The following PPP4R3A variants were observed in gnomAD, a reference collection of about 807,000 sequenced individuals.
The protein encoded by PPP4R3A is protein phosphatase 4 regulatory subunit 3A, also known as serine/threonine-protein phosphatase 4 regulatory subunit 3A.
PPP4R3A carries 15 observed loss-of-function variants against 91.7 expected under a neutral mutation model. That is an observed-to-expected ratio of 0.16 (90% CI 0.11 to 0.25). PPP4R3A has a LOEUF of 0.25. Among genes scored for constraint, PPP4R3A ranks in the 10% least tolerant of loss-of-function variants. The pLI is 1.00. For missense variants in PPP4R3A, 623 were observed against 998.4 expected (o/e 0.62, Z 5.07); for synonymous variants, 377 against 348.7 (o/e 1.08, Z -0.91).
chr14:91,491,572 T>G (rs139580799), intron 1 of PPP4R3A, among the ~76,000 whole-genome samples: 27 of 151,980 alleles, frequency 1.8e-4, no homozygotes, highest in Non-Finnish European at 3.2e-4. Flanking sequence ...CACGCCCAGA[T>G]AATTTTGTAT....
chr14:91,482,201 A>G lies in PPP4R3A; in HGVS notation c.298-8T>C. 1 of 1,570,244 alleles carries G rather than the reference A, an allele frequency of 6.4e-7. No homozygotes were observed. Among genetic ancestry groups the G allele is most frequent in the Non-Finnish European group, 8.6e-7 (1 of 1,163,400 alleles). On this transcript the variant is annotated splice_region_variant and splice_polypyrimidine_tract_variant and intron_variant, in intron 3 of 14. Transcript: ENST00000554943. The stretch of plus-strand genomic sequence containing the variant: ...AGGGTCCTTTCCTTGAACCTATGAA[A>G]AAAAATTTAATTGCTGACAAAATAG...
intron 4 of PPP4R3A, among the ~76,000 whole-genome samples, 188 bp downstream of exon 4, chr14:91,481,387 AC>A (rs1163258706): frequency 3.3e-5 from 5 of 152,040 alleles, no homozygotes; most frequent in Non-Finnish European, 2.9e-5. Flanking sequence ...TGTCACACTT[AC>A]CTCTCCTACC....
chr14:91,466,964 C>CACACACACACACACACACACACA (rs1555434439), intron 10 of PPP4R3A, among the ~76,000 whole-genome samples: 1 of 150,422 alleles, frequency 6.6e-6, no homozygotes, highest in African/African-American at 2.5e-5. Context: ...CACACACACA[C>CACACACACACACACACACACACA]CCCTCTTGTC....
In PPP4R3A at chr14:91,461,432, AGAGCCTGGAGATCCTGGGGATCCAGGT is replaced by A. The variant is rs1888149191; in HGVS notation, c.2313_2339del (p.Pro775_Ser783del). On this transcript the variant is annotated inframe_deletion, in exon 14 of 15. Transcript: ENST00000554943. Reference sequence around the variant, plus strand: ...ATGTATTTTTAGGTACGGATCCAGGAGAGCCTGGAGATCCTGGGGATCCAGGTGATCCCGGAGAACCAGGCAGATTTG... The same window carrying A: ...ATGTATTTTTAGGTACGGATCCAGGAGATCCCGGAGAACCAGGCAGATTTG... 6.2e-7 allele frequency: 1 copy of A among 1,614,010 alleles called. No homozygotes were observed. Among genetic ancestry groups the A allele is most frequent in the African/African-American group, 1.3e-5 (1 of 74,934 alleles).
At chr14:91,498,835 A>AC (rs1890751622) in intron 1 of PPP4R3A, among the ~76,000 whole-genome samples, 1 of 144,818 alleles carries the variant, frequency 6.9e-6, no homozygotes, top group African/African-American at 2.6e-5. Flanking sequence ...AATTGCATGA[A>AC]CCCGGGAGGC....
intron 7 of PPP4R3A, 47 bp from the exon 8 acceptor site, chr14:91,473,417 C>A (rs1449070366): frequency 1.3e-6 from 2 of 1,565,816 alleles, no homozygotes; most frequent in Admixed American, 3.8e-5. Context: ...TATGAGAGAA[C>A]GGAAAAAGCA....
chr14:91,492,315 T>A (rs1044071648), intron 1 of PPP4R3A, among the ~76,000 whole-genome samples: 4 of 152,340 alleles, frequency 2.6e-5, no homozygotes, highest in Non-Finnish European at 5.9e-5. Flanking sequence ...ATTTCTTCTA[T>A]TACACTTAAC....
At chr14:91,466,267 C>T in intron 10 of PPP4R3A, 3 of 985,842 alleles carry the variant, frequency 3.0e-6, no homozygotes, top group Non-Finnish European at 3.6e-6. Context: ...TCACTTCATG[C>T]AGTCACATCG....
At chr14:91,476,339 T>C in intron 6 of PPP4R3A, 69 bp downstream of exon 6, 1 of 1,085,750 alleles carries the variant, frequency 9.2e-7, no homozygotes, top group Non-Finnish European at 1.4e-6. Flanking sequence ...AATATTTGCA[T>C]GTAGCATTAA....
chr14:91,470,686 CA>C, intron 10 of PPP4R3A, 150 bp downstream of exon 10: 1 of 806,292 alleles, frequency 1.2e-6, no homozygotes. Context: ...AACACCTGCT[CA>C]ACATGGCAAA....
intron 7 of PPP4R3A, among the ~76,000 whole-genome samples, chr14:91,473,749 CATA>C (rs1364478123): frequency 6.6e-6 from 1 of 152,148 alleles, no homozygotes; most frequent in Non-Finnish European, 1.5e-5. Context: ...TTTAGAACAT[CATA>C]ATACTTTCGT....
Position 91,475,401 on chromosome 14 carries a change from T to C in PPP4R3A, c.1266+410A>G, listed in dbSNP as rs144077005. On this transcript the variant is annotated intron_variant, in intron 7 of 14. Transcript: ENST00000554943. ...GCTAGGCAGTAAAGAAACAGCACCC[T>C]TCATATTTTAAGGGACTGTGCTACA... is the stretch of plus-strand genomic sequence containing the variant. The C allele has an allele frequency of 1.7e-3, 300 of 176,616 alleles. 1 individual carries two copies. The highest frequency in any genetic ancestry group is 6.9e-3 in the African/African-American group (289 of 41,708). The allele number at this position is 176,616 out of a possible 1,614,324, so 10.9% of individuals were successfully genotyped here. A position where few individuals can be genotyped will look rare whatever the true frequency, so the allele number is the denominator to read the frequency against.
intron 1 of PPP4R3A, among the ~76,000 whole-genome samples, chr14:91,504,460 G>C (rs1183431225): frequency 1.3e-5 from 2 of 151,948 alleles, no homozygotes; most frequent in Non-Finnish European, 1.5e-5. Flanking sequence ...AAATTCACCA[G>C]GCGTGGTGGC....
At chr14:91,503,424 A>G (rs1891082515) in intron 1 of PPP4R3A, among the ~76,000 whole-genome samples, 2 of 152,174 alleles carry the variant, frequency 1.3e-5, no homozygotes, top group African/African-American at 4.8e-5. Flanking sequence ...AGCCGGGACT[A>G]CAGGTGTTTA....
At chr14:91,495,162 AAATG>A (rs1460696013) in intron 1 of PPP4R3A, among the ~76,000 whole-genome samples, 1 of 152,224 alleles carries the variant, frequency 6.6e-6, no homozygotes, top group Non-Finnish European at 1.5e-5. Context: ...CAACAGCAAA[AAATG>A]AACAGATAAA....
intron 7 of PPP4R3A, chr14:91,474,561 A>C (rs1376976483): frequency 6.6e-6 from 1 of 152,182 alleles, no homozygotes; most frequent in Non-Finnish European, 1.5e-5. Context: ...TGTTCAGCTC[A>C]TGGGTTAATG....
At position 91,465,296 on chromosome 14, in the gene PPP4R3A, T is replaced by C; in HGVS notation, c.1784A>G (p.Asn595Ser). 1 of 1,605,822 alleles carries C rather than the reference T, an allele frequency of 6.2e-7. No individual in the cohort carries two copies. Among genetic ancestry groups the C allele is most frequent in the Non-Finnish European group, 8.5e-7 (1 of 1,177,594 alleles). ...KAFLNNGSRY[N>S]LMNSAIIEMF... ...CTCTATTATGGCAGAGTTCATCAGATTGTAGCGGGATCCATTGTTGAGAAA... is the reference window on the plus strand; with the variant it reads ...CTCTATTATGGCAGAGTTCATCAGACTGTAGCGGGATCCATTGTTGAGAAA... The change falls in exon 11 of 15, where the codon AAT becomes AGT. Residue 595 changes from asparagine (N) to serine (S), a missense_variant. Transcript: ENST00000554943.
intron 2 of PPP4R3A, among the ~76,000 whole-genome samples, chr14:91,487,136 G>C (rs965633644): frequency 6.6e-6 from 1 of 150,610 alleles, no homozygotes. Context: ...TGTAATCCCA[G>C]CTACATGGGA....
At chr14:91,505,785 T>C (rs969566091) in intron 1 of PPP4R3A, among the ~76,000 whole-genome samples, 1 of 152,134 alleles carries the variant, frequency 6.6e-6, no homozygotes, top group African/African-American at 2.4e-5. Flanking sequence ...ATGACTCAAT[T>C]TATGGAAAAT....
Sources: allele counts gnomAD v4.1 joint callset (sites outside exome capture counted in the v4.1 genomes callset), GRCh38; gene constraint gnomAD v4.1.1; transcripts MANE v1.5; gene names NCBI Gene and HGNC (gene_info 2026-07-23, HGNC 2026-07-21).